The following CTPS2 variants were observed in gnomAD, a reference collection of about 807,000 sequenced individuals.
The protein encoded by CTPS2 is CTP synthase II.
Under a neutral mutation model 46.8 loss-of-function variants are expected in CTPS2, and 19 were observed. The observed-to-expected ratio is 0.41, with a 90% CI of 0.28 to 0.60. CTPS2 has a LOEUF of 0.60. Ranked by LOEUF, CTPS2 falls within the 20% of genes least tolerant of loss-of-function variation. CTPS2 has a pLI of 0.35. For synonymous variants in CTPS2, 151 were observed against 165.2 expected, an observed-to-expected ratio of 0.91 and a Z score of 0.66; for missense variants, 286 against 447.6, an observed-to-expected ratio of 0.64 and a Z score of 3.26.
chrX:16,593,185 G>A (rs111268866), intron 17 of CTPS2, among the ~76,000 whole-genome samples: 3 of 111,667 alleles, frequency 2.7e-5, no homozygotes, highest in Admixed American at 9.5e-5. Flanking sequence ...ATCCCAGCAC[G>A]TTGGGAGGCC....
chrX:16,707,968 T>C, intron 1 of CTPS2, among the ~76,000 whole-genome samples: 1 of 109,568 alleles, frequency 9.1e-6, no homozygotes, highest in East Asian at 2.9e-4. Flanking sequence ...GACAATAGGG[T>C]GAGACTCGGT....
At chrX:16,684,891 G>A (rs1469005364) in intron 8 of CTPS2, among the ~76,000 whole-genome samples, 4 of 111,633 alleles carry the variant, frequency 3.6e-5, no homozygotes, top group Non-Finnish European at 7.5e-5. Context: ...AGGAGTTCCA[G>A]ACCAGCCTGG....
intron 17 of CTPS2, among the ~76,000 whole-genome samples, chrX:16,600,223 A>G (rs1043497361): frequency 8.9e-6 from 1 of 112,140 alleles, no homozygotes; most frequent in Admixed American, 9.5e-5. Flanking sequence ...GCCCACCTTT[A>G]CGCTACCCCA....
At chrX:16,638,088 T>C (rs1931851416) in intron 14 of CTPS2, among the ~76,000 whole-genome samples, 1 of 109,573 alleles carries the variant, frequency 9.1e-6, no homozygotes, top group Non-Finnish European at 1.9e-5. Context: ...ACCCCATCTC[T>C]ACTAAAAATA....
intron 16 of CTPS2, among the ~76,000 whole-genome samples, chrX:16,610,737 C>T (rs1167786974): frequency 1.8e-5 from 2 of 112,088 alleles, no homozygotes; most frequent in African/African-American, 6.5e-5. Flanking sequence ...AAGACACATG[C>T]ACTTACATGT....
At chrX:16,635,169 T>C (rs1462562975) in intron 14 of CTPS2, among the ~76,000 whole-genome samples, 1 of 111,958 alleles carries the variant, frequency 8.9e-6, no homozygotes, top group Non-Finnish European at 1.9e-5. Context: ...TCAAAATTGT[T>C]AATTGTTTTC....
intron 10 of CTPS2, 41 bp downstream of exon 10, chrX:16,678,321 T>C (rs377728763): frequency 2.3e-6 from 2 of 854,774 alleles, no homozygotes; most frequent in Non-Finnish European, 3.4e-6. Flanking sequence ...AAAAGTACAA[T>C]GGTCCTATCC....
At chrX:16,676,927 C>T (rs1193078768) in intron 10 of CTPS2, among the ~76,000 whole-genome samples, 1 of 110,194 alleles carries the variant, frequency 9.1e-6, no homozygotes, top group Non-Finnish European at 1.9e-5. Flanking sequence ...GGCATGGTAG[C>T]GCGTGCCTGT....
intron 13 of CTPS2, among the ~76,000 whole-genome samples, chrX:16,648,361 T>G (rs1441045961): frequency 4.5e-5 from 5 of 111,882 alleles, no homozygotes; most frequent in Non-Finnish European, 9.4e-5. Context: ...GAGGAAAGTA[T>G]CTGTCCAGAG....
chrX:16,610,311 A>G (rs1283920227), intron 16 of CTPS2, among the ~76,000 whole-genome samples: 1 of 111,358 alleles, frequency 9.0e-6, no homozygotes, highest in Non-Finnish European at 1.9e-5. Context: ...ATAAAATATA[A>G]TAAGTTTAAG....
At chrX:16,602,588 T>C (rs1371406139) in intron 17 of CTPS2, among the ~76,000 whole-genome samples, 1 of 111,827 alleles carries the variant, frequency 8.9e-6, no homozygotes, top group Non-Finnish European at 1.9e-5. Context: ...TGGTGAAGTG[T>C]GCAGCCATTA....
intron 1 of CTPS2, among the ~76,000 whole-genome samples, chrX:16,709,480 G>A (rs1051864262): frequency 3.6e-5 from 4 of 109,988 alleles, no homozygotes; most frequent in African/African-American, 1.3e-4. Flanking sequence ...GAAAAAGAGA[G>A]CAGACTATAA....
intron 13 of CTPS2, among the ~76,000 whole-genome samples, chrX:16,642,441 G>A (rs1270974646): frequency 8.9e-6 from 1 of 111,892 alleles, no homozygotes; most frequent in African/African-American, 3.2e-5. Context: ...GATGGAGGGA[G>A]GGAACAGGAA....
chrX:16,707,913 C>A (rs1925146901), intron 1 of CTPS2, among the ~76,000 whole-genome samples: 1 of 110,865 alleles, frequency 9.0e-6, no homozygotes, highest in Non-Finnish European at 1.9e-5. Flanking sequence ...AGCCGGGAGG[C>A]GGAGGTTGCA....
chrX:16,674,618 C>T (rs1350445082), intron 10 of CTPS2, among the ~76,000 whole-genome samples: 1 of 106,927 alleles, frequency 9.4e-6, no homozygotes, highest in Non-Finnish European at 1.9e-5. Flanking sequence ...GTGGGCAGAT[C>T]ACGAGGTCAG....
At chrX:16,598,244 C>G (rs777260219) in intron 17 of CTPS2, among the ~76,000 whole-genome samples, 191 of 111,302 alleles carry the variant, frequency 1.7e-3, no homozygotes, top group African/African-American at 5.9e-3. Context: ...ACAAAAAATC[C>G]TTCAAAAAAT....
chrX:16,663,991 A>G (rs977812149), intron 13 of CTPS2, among the ~76,000 whole-genome samples: 12 of 110,474 alleles, frequency 1.1e-4, no homozygotes, highest in Admixed American at 1.9e-4. Context: ...GCGTGCCACC[A>G]CGCCCAGCTA....
chrX:16,693,110 A>G (rs376536894), intron 6 of CTPS2, 31 bp downstream of exon 6: 2 of 996,508 alleles, frequency 2.0e-6, no homozygotes, highest in Admixed American at 4.5e-5. Flanking sequence ...AGAGACCTTC[A>G]GGATAGACTT....
chrX:16,636,768 C>CA (rs748055833), intron 14 of CTPS2, among the ~76,000 whole-genome samples: 2,694 of 107,836 alleles, frequency 0.025, 96 homozygotes, highest in African/African-American at 0.084. Flanking sequence ...ACTAAAAATA[C>CA]AAAAAAAAAT....
Sources: allele counts gnomAD v4.1 joint callset (sites outside exome capture counted in the v4.1 genomes callset), GRCh38; gene constraint gnomAD v4.1.1; transcripts MANE v1.5; gene names NCBI Gene and HGNC (gene_info 2026-07-23, HGNC 2026-07-21).